GALK2: variants seen among roughly 807,000 people sequenced by gnomAD.
GALK2 encodes the protein galactokinase 2, also known as N-acetylgalactosamine kinase.
In GALK2, 36 loss-of-function variants were observed where a neutral mutation model predicts 52.4. That is an observed-to-expected ratio of 0.69 (90% CI 0.53 to 0.91). GALK2 has a LOEUF of 0.91. Ranked by LOEUF, GALK2 falls within the 40% of genes least tolerant of loss-of-function variation. The pLI is 0.00. For missense variants in GALK2, 579 were observed against 559.1 expected, an observed-to-expected ratio of 1.04 and a Z score of -0.36; for synonymous variants, 176 against 199.1, an observed-to-expected ratio of 0.88 and a Z score of 0.98.
chr15:49,267,129 G>T (rs1354774178), intron 5 of GALK2, among the ~76,000 whole-genome samples: 3 of 152,162 alleles, frequency 2.0e-5, no homozygotes, highest in Admixed American at 6.5e-5. Context: ...ATTGTGATGA[G>T]ATTTTGCAAT....
chr15:49,292,458 C>T lies in GALK2; in HGVS notation c.888C>T (p.Asn296=). ...ATGCCCTTCATCCTGAACCCTATAA[C>T]CCTGAGGAGATCTGCAGGTGTCTGG... is the stretch of plus-strand genomic sequence containing the variant. The part of the protein sequence containing the change: ...TEDALHPEPY[N]PEEICRCLGI... The change falls in exon 8 of 10, where the codon AAC becomes AAT. Residue 296 remains asparagine (N), a synonymous_variant. Transcript: ENST00000560031. 6.2e-7 allele frequency: 1 copy of T among 1,614,016 alleles called. No individual in the cohort carries two copies. Among genetic ancestry groups the T allele is most frequent in the African/African-American group, 1.3e-5 (1 of 75,022 alleles).
intron 3 of GALK2, among the ~76,000 whole-genome samples, chr15:49,361,345 C>G (rs971228357): frequency 3.9e-5 from 6 of 152,076 alleles, no homozygotes; most frequent in Non-Finnish European, 7.4e-5. Context: ...TTTCACCACT[C>G]AGGTAATAAG....
chr15:49,285,115 G>A (rs79748589), intron 7 of GALK2, among the ~76,000 whole-genome samples: 2,776 of 151,950 alleles, frequency 0.018, 78 homozygotes, highest in African/African-American at 0.064. Context: ...TCACTTCTGC[G>A]TTCTCCACAA....
intron 5 of GALK2, among the ~76,000 whole-genome samples, chr15:49,281,144 G>T (rs2032635698): frequency 6.6e-6 from 1 of 152,172 alleles, no homozygotes; most frequent in Non-Finnish European, 1.5e-5. Flanking sequence ...CATGAAGAAA[G>T]ATTTGAGTGG....
At chr15:49,254,578 A>G (rs1196974715) in intron 5 of GALK2, among the ~76,000 whole-genome samples, 4 of 144,076 alleles carry the variant, frequency 2.8e-5, no homozygotes, top group East Asian at 1.9e-4. Flanking sequence ...ATCAGGTTTT[A>G]TAAATAGTTC....
chr15:49,272,699 T>C (rs1310836797), intron 5 of GALK2, among the ~76,000 whole-genome samples: 1 of 152,164 alleles, frequency 6.6e-6, no homozygotes, highest in Non-Finnish European at 1.5e-5. Flanking sequence ...AGGTTGTACA[T>C]TGTTAGGTAC....
chr15:49,366,194 G>T, intron 3 of GALK2: 1 of 804,966 alleles, frequency 1.2e-6, no homozygotes, highest in Non-Finnish European at 2.3e-6. Flanking sequence ...GTTAGGCCAC[G>T]ATGGAGAACA....
intron 3 of GALK2, among the ~76,000 whole-genome samples, chr15:49,223,704 C>T (rs113085328): frequency 0.25 from 37,591 of 151,968 alleles, 4,941 homozygotes; most frequent in African/African-American, 0.31. Flanking sequence ...TCCATGTTGT[C>T]GCAAAGGATA....
chr15:49,166,159 T>G (rs149077424), upstream of GALK2, among the ~76,000 whole-genome samples: 2,218 of 152,170 alleles, frequency 0.015, 25 homozygotes, highest in Non-Finnish European at 0.02. Flanking sequence ...ACACTTTGAG[T>G]AGAAAAACTT....
At chr15:49,357,995 T>G (rs558600666) in intron 3 of GALK2, among the ~76,000 whole-genome samples, 1 of 152,156 alleles carries the variant, frequency 6.6e-6, no homozygotes, top group Admixed American at 6.5e-5. Flanking sequence ...ACCACATGAT[T>G]ATCTCAATAG....
At chr15:49,365,019 CAT>C in intron 3 of GALK2, 1 of 480,380 alleles carries the variant, frequency 2.1e-6, no homozygotes, top group Non-Finnish European at 3.8e-6. Context: ...TATTTGCAAA[CAT>C]ATCATTGAAG....
chr15:49,273,522 T>C (rs957603024), intron 5 of GALK2, among the ~76,000 whole-genome samples: 8 of 151,644 alleles, frequency 5.3e-5, no homozygotes, highest in Non-Finnish European at 8.8e-5. Flanking sequence ...GAAGAAGAAA[T>C]AATAGCCTCC....
At chr15:49,296,402 T>C (rs998405913) in intron 8 of GALK2, among the ~76,000 whole-genome samples, 1 of 152,158 alleles carries the variant, frequency 6.6e-6, no homozygotes, top group Non-Finnish European at 1.5e-5. Context: ...CTGCATTAAT[T>C]TGTTTAGGAT....
chr15:49,265,012 T>TG (rs986183981), intron 5 of GALK2, among the ~76,000 whole-genome samples: 3 of 152,050 alleles, frequency 2.0e-5, no homozygotes, highest in African/African-American at 7.2e-5. Flanking sequence ...TTAGGCTGCT[T>TG]GGGGGTCAGG....
At chr15:49,358,213 C>T (rs1023215785) in intron 3 of GALK2, among the ~76,000 whole-genome samples, 3 of 151,018 alleles carry the variant, frequency 2.0e-5, no homozygotes, top group African/African-American at 7.3e-5. Flanking sequence ...TCCTATTCAA[C>T]ATAGTGTTGG....
intron 5 of GALK2, among the ~76,000 whole-genome samples, chr15:49,257,943 T>A (rs1466021597): frequency 6.7e-6 from 1 of 149,480 alleles, no homozygotes; most frequent in Non-Finnish European, 1.5e-5. Flanking sequence ...TTTTATTTAA[T>A]TTTAATTATA....
At chr15:49,183,077 A>G (rs944171241) in intron 1 of GALK2, among the ~76,000 whole-genome samples, 2 of 152,090 alleles carry the variant, frequency 1.3e-5, no homozygotes, top group African/African-American at 4.8e-5. Flanking sequence ...AATGTCCTGG[A>G]TGTTTCCCCA....
At chr15:49,190,160 A>G (rs1369887775) in intron 1 of GALK2, among the ~76,000 whole-genome samples, 1 of 152,216 alleles carries the variant, frequency 6.6e-6, no homozygotes, top group African/African-American at 2.4e-5. Context: ...AAGGAAAACT[A>G]GAAGTTTTCT....
At chr15:49,228,675 A>ATG (rs1566957823) in intron 3 of GALK2, among the ~76,000 whole-genome samples, 4 of 10,460 alleles carry the variant, frequency 3.8e-4, no homozygotes, top group East Asian at 1.4e-3. Context: ...ATATATATAT[A>ATG]TATATATATA....
Sources: gnomAD v4.1 joint callset for allele counts (sites outside exome capture counted in the v4.1 genomes callset) on GRCh38, gnomAD v4.1.1 for gene constraint, MANE v1.5 for transcripts, NCBI Gene and HGNC (gene_info 2026-07-23, HGNC 2026-07-21) for gene names.